FBXL7: variants seen among roughly 807,000 people sequenced by gnomAD.
FBXL7 encodes the protein F-box and leucine rich repeat protein 7.
FBXL7 carries 12 observed loss-of-function variants against 38.3 expected under a neutral mutation model. The observed-to-expected ratio is 0.31, with a 90% CI of 0.20 to 0.51. FBXL7 has a LOEUF of 0.51. Among genes scored for constraint, FBXL7 ranks in the 20% least tolerant of loss-of-function variants. The pLI, the probability that FBXL7 is intolerant of heterozygous loss-of-function variation, is 0.98. For synonymous variants in FBXL7, 297 were observed against 300.9 expected (o/e 0.99, Z 0.13); for missense variants, 567 against 676.4 (o/e 0.84, Z 1.79).
At chr5:15,565,457 TAGG>T (rs1205485529) in intron 1 of FBXL7, among the ~76,000 whole-genome samples, 1 of 151,770 alleles carries the variant, frequency 6.6e-6, no homozygotes, top group Non-Finnish European at 1.5e-5. Context: ...ACAGAACCAA[TAGG>T]AGATGTATGT....
chr5:15,909,720 G>T (rs1214058875), intron 2 of FBXL7, among the ~76,000 whole-genome samples: 2 of 1,566 alleles, frequency 1.3e-3, no homozygotes, highest in Admixed American at 4.1e-3. Context: ...TCTGGTATGT[G>T]GTGTCTTTGT....
chr5:15,516,790 C>CT (rs1252884838), intron 1 of FBXL7, among the ~76,000 whole-genome samples: 6 of 152,186 alleles, frequency 3.9e-5, no homozygotes, highest in African/African-American at 1.4e-4. Context: ...ATAAGGAGCT[C>CT]TTCCCCCTTT....
chr5:15,870,498 GA>G (rs1383075027), intron 2 of FBXL7, among the ~76,000 whole-genome samples: 9 of 152,160 alleles, frequency 5.9e-5, no homozygotes, highest in Non-Finnish European at 1.2e-4. Flanking sequence ...TGGAAGGAAG[GA>G]AAAGATTAAG....
chr5:15,843,159 GAT>G (rs1165031421), intron 2 of FBXL7, among the ~76,000 whole-genome samples: 1 of 152,096 alleles, frequency 6.6e-6, no homozygotes, highest in African/African-American at 2.4e-5. Flanking sequence ...ATAGTGTTAA[GAT>G]ATTTGTATAT....
intron 1 of FBXL7, among the ~76,000 whole-genome samples, chr5:15,539,463 A>C (rs1737675499): frequency 6.6e-6 from 1 of 152,162 alleles, no homozygotes; most frequent in African/African-American, 2.4e-5. Context: ...CCTCTTTTTA[A>C]GCAGATTGTA....
chr5:15,504,703 T>C (rs898151386), intron 1 of FBXL7, among the ~76,000 whole-genome samples: 2 of 152,192 alleles, frequency 1.3e-5, no homozygotes, highest in African/African-American at 4.8e-5. Context: ...ATCTCTTTCA[T>C]AAAGTGTAAG....
At chr5:15,708,823 A>G (rs188554362) in intron 2 of FBXL7, among the ~76,000 whole-genome samples, 48 of 152,290 alleles carry the variant, frequency 3.2e-4, no homozygotes, top group Middle Eastern at 6.8e-3. Flanking sequence ...AAGTTTGTGG[A>G]ATGAAAAAAG....
chr5:15,762,728 A>G (rs984593424), intron 2 of FBXL7, among the ~76,000 whole-genome samples: 7 of 152,330 alleles, frequency 4.6e-5, no homozygotes, highest in Non-Finnish European at 1.0e-4. Context: ...TCAATTGTCT[A>G]AGTTTTTCAG....
At chr5:15,555,842 C>T (rs1453002338) in intron 1 of FBXL7, among the ~76,000 whole-genome samples, 2 of 148,414 alleles carry the variant, frequency 1.3e-5, no homozygotes, top group Non-Finnish European at 3.0e-5. Flanking sequence ...GAAAGATAGA[C>T]ACAGCAGTGC....
chr5:15,750,641 G>A (rs1023715137), intron 2 of FBXL7, among the ~76,000 whole-genome samples: 4 of 152,126 alleles, frequency 2.6e-5, no homozygotes, highest in African/African-American at 9.7e-5. Context: ...GGCACCTGAA[G>A]CCTATGTCTT....
At chr5:15,586,979 C>T (rs1412092009) in intron 1 of FBXL7, among the ~76,000 whole-genome samples, 1 of 152,202 alleles carries the variant, frequency 6.6e-6, no homozygotes, top group African/African-American at 2.4e-5. Context: ...ACAGTCATTA[C>T]CTGTGCCAAG....
chr5:15,931,542 G>GT (rs1742036305), intron 3 of FBXL7, among the ~76,000 whole-genome samples: 1 of 152,252 alleles, frequency 6.6e-6, no homozygotes, highest in African/African-American at 2.4e-5. Context: ...CAGAGGAATT[G>GT]TTTCAAACTA....
At chr5:15,868,874 G>A (rs1204830772) in intron 2 of FBXL7, among the ~76,000 whole-genome samples, 1 of 152,032 alleles carries the variant, frequency 6.6e-6, no homozygotes, top group African/African-American at 2.4e-5. Flanking sequence ...TTTCCCCGTA[G>A]TACTTGCCAC....
chr5:15,647,988 TC>T (rs1561068374), intron 2 of FBXL7, among the ~76,000 whole-genome samples: 1 of 152,200 alleles, frequency 6.6e-6, no homozygotes. Context: ...ACTGGAATGC[TC>T]CAGGAGAATG....
At chr5:15,833,425 A>G (rs1561144158) in intron 2 of FBXL7, among the ~76,000 whole-genome samples, 1 of 152,166 alleles carries the variant, frequency 6.6e-6, no homozygotes, top group Non-Finnish European at 1.5e-5. Flanking sequence ...CCGATTAGTG[A>G]TGGTATTAGA....
chr5:15,722,182 C>A (rs1744214758), intron 2 of FBXL7, among the ~76,000 whole-genome samples: 1 of 152,106 alleles, frequency 6.6e-6, no homozygotes, highest in Non-Finnish European at 1.5e-5. Context: ...TTTTAACTAG[C>A]CAGTCACTCA....
intron 3 of FBXL7, among the ~76,000 whole-genome samples, chr5:15,934,825 A>G (rs1363589370): frequency 6.6e-6 from 1 of 152,232 alleles, no homozygotes; most frequent in Non-Finnish European, 1.5e-5. Flanking sequence ...AGCACCAGCT[A>G]TGAACCAGAA....
chr5:15,664,766 G>A (rs547456762), intron 2 of FBXL7, among the ~76,000 whole-genome samples: 5 of 151,892 alleles, frequency 3.3e-5, no homozygotes, highest in South Asian at 2.1e-4. Flanking sequence ...CACCATGCCC[G>A]GCTTCAAATT....
chr5:15,709,532 T>G (rs1231974847), intron 2 of FBXL7, among the ~76,000 whole-genome samples: 1 of 141,518 alleles, frequency 7.1e-6, no homozygotes, highest in East Asian at 2.1e-4. Context: ...AGACTCTGTC[T>G]CAAAAAAAGA....
Sources: allele counts gnomAD v4.1 joint callset (sites outside exome capture counted in the v4.1 genomes callset), GRCh38; gene constraint gnomAD v4.1.1; transcripts MANE v1.5; gene names NCBI Gene and HGNC (gene_info 2026-07-23, HGNC 2026-07-21).